C8orf34: variants seen among roughly 807,000 people sequenced by gnomAD.
C8orf34 encodes chromosome 8 open reading frame 34.
A neutral mutation model predicts 68.3 loss-of-function variants in C8orf34; 65 were observed. The ratio of observed to expected loss-of-function variants is 0.95; its 90% confidence interval spans 0.78 to 1.17. The LOEUF (loss-of-function observed/expected upper bound fraction) is 1.17, where lower values mean the gene tolerates loss of function less well. Among genes scored for constraint, C8orf34 ranks in the 50% most tolerant of loss-of-function variants. The probability of loss-of-function intolerance (pLI) is 0.00; values close to 1 mark genes in which losing one functional copy is unlikely to be tolerated. For missense variants in C8orf34, 664 were observed against 655.4 expected (o/e 1.01, Z -0.14); for synonymous variants, 244 against 241.2 (o/e 1.01, Z -0.11).
rs11454498 is a variant in C8orf34, at chr8:68,440,809, AT to A, written c.475+1176del. On this transcript the variant is annotated intron_variant, in intron 2 of 13. Coordinates refer to ENST00000518698, the MANE Select transcript of C8orf34 (RefSeq NM_052958.4). ...GAGAAAGGAACATATTAAACTCTGC[AT>A]TTTTTTTTTTTTGAGATGGAGTCTT... 6.6e-4 allele frequency among the ~76,000 whole-genome samples: 97 copies of A among 146,570 alleles called. No individual in the cohort carries two copies. The East Asian group carries it at 0.012, about 18-fold the overall frequency.
chr8:68,783,523 CAAAAAAAAAAA>C (rs775189886), intron 11 of C8orf34, among the ~76,000 whole-genome samples: 1 of 53,760 alleles, frequency 1.9e-5, no homozygotes, highest in Admixed American at 1.9e-4. Context: ...GACTTCATCT[CAAAAAAAAAAA>C]AAAAAAAAAA....
At chr8:68,748,457 A>G (rs1822582484) in intron 10 of C8orf34, among the ~76,000 whole-genome samples, 2 of 150,076 alleles carry the variant, frequency 1.3e-5, no homozygotes, top group Non-Finnish European at 1.5e-5. Flanking sequence ...GCAACCTACA[A>G]AATGGGAGAA....
chr8:68,418,731 A>C (rs1289104587), intron 1 of C8orf34, among the ~76,000 whole-genome samples: 3 of 152,138 alleles, frequency 2.0e-5, no homozygotes, highest in Non-Finnish European at 4.4e-5. Context: ...GCAATGGGGA[A>C]AGGATTCCCT....
At chr8:68,334,452 G>A (rs1348573828) in intron 1 of C8orf34, among the ~76,000 whole-genome samples, 1 of 151,050 alleles carries the variant, frequency 6.6e-6, no homozygotes, top group East Asian at 1.9e-4. Context: ...ATTATATATA[G>A]TGGAATATAT....
At chr8:68,331,791 T>TTC in intron 1 of C8orf34, among the ~76,000 whole-genome samples, 2 of 72,640 alleles carry the variant, frequency 2.8e-5, no homozygotes, top group Admixed American at 1.3e-4. Context: ...TTCTTTTTTT[T>TTC]TTTTTTTTTT....
chr8:68,680,739 G>T (rs1820343858), intron 8 of C8orf34, among the ~76,000 whole-genome samples: 1 of 152,172 alleles, frequency 6.6e-6, no homozygotes, highest in Admixed American at 6.5e-5. Context: ...GTTCAGCAGT[G>T]CACCTATTGT....
intron 6 of C8orf34, chr8:68,530,540 C>A: frequency 1.2e-6 from 1 of 855,422 alleles, no homozygotes; most frequent in South Asian, 1.9e-5. Context: ...GTTTACTTCT[C>A]AATGAATAAA....
intron 7 of C8orf34, among the ~76,000 whole-genome samples, chr8:68,579,851 G>GTCACTT (rs1163577075): frequency 1.3e-5 from 2 of 152,102 alleles, no homozygotes; most frequent in East Asian, 1.9e-4. Flanking sequence ...AAATGAGAAT[G>GTCACTT]TCACTTTTCT....
At chr8:68,703,250 T>C (rs1241927368) in intron 8 of C8orf34, among the ~76,000 whole-genome samples, 3 of 152,174 alleles carry the variant, frequency 2.0e-5, no homozygotes, top group African/African-American at 4.8e-5. Flanking sequence ...CTGTTAAGAC[T>C]AAGTCAATAG....
At chr8:68,809,346 C>T (rs1824578690) in intron 12 of C8orf34, among the ~76,000 whole-genome samples, 1 of 152,104 alleles carries the variant, frequency 6.6e-6, no homozygotes, top group Admixed American at 6.6e-5. Flanking sequence ...CAATTTATGC[C>T]TCTGATACAA....
At chr8:68,333,080 T>C (rs979067789) in intron 1 of C8orf34, among the ~76,000 whole-genome samples, 1 of 152,210 alleles carries the variant, frequency 6.6e-6, no homozygotes, top group Non-Finnish European at 1.5e-5. Context: ...GAATTGTTTT[T>C]AATAAATACT....
chr8:68,610,956 C>G (rs1455103986), intron 7 of C8orf34, among the ~76,000 whole-genome samples: 2 of 150,832 alleles, frequency 1.3e-5, no homozygotes, highest in Middle Eastern at 3.4e-3. Context: ...CCTCCGCCTA[C>G]CAGGGTCAAG....
At chr8:68,342,109 G>A (rs997341881) in intron 1 of C8orf34, among the ~76,000 whole-genome samples, 1 of 152,070 alleles carries the variant, frequency 6.6e-6, no homozygotes, top group African/African-American at 2.4e-5. Flanking sequence ...AGTATGTGAG[G>A]TAACAGATAT....
At chr8:68,705,994 A>G (rs1029864432) in intron 8 of C8orf34, among the ~76,000 whole-genome samples, 2 of 152,218 alleles carry the variant, frequency 1.3e-5, no homozygotes, top group Non-Finnish European at 2.9e-5. Context: ...TGTGAGGGCA[A>G]GATGAGGTCT....
At chr8:68,695,103 A>G (rs928839441) in intron 8 of C8orf34, among the ~76,000 whole-genome samples, 18 of 151,972 alleles carry the variant, frequency 1.2e-4, no homozygotes, top group African/African-American at 4.3e-4. Context: ...GCTCACAGGC[A>G]GGTAATGCTA....
chr8:68,539,223 G>T (rs1586344803), intron 7 of C8orf34, among the ~76,000 whole-genome samples: 1 of 152,124 alleles, frequency 6.6e-6, no homozygotes, highest in African/African-American at 2.4e-5. Flanking sequence ...AAATGGTGAT[G>T]CTATATTTCA....
chr8:68,512,952 A>G (rs1814344299), intron 5 of C8orf34, among the ~76,000 whole-genome samples: 2 of 152,184 alleles, frequency 1.3e-5, no homozygotes, highest in African/African-American at 4.8e-5. Flanking sequence ...AGTGCAGCCA[A>G]GGTTTGACTC....
At chr8:68,367,929 A>AAG (rs1283462600) in intron 1 of C8orf34, among the ~76,000 whole-genome samples, 4 of 148,774 alleles carry the variant, frequency 2.7e-5, no homozygotes, top group Non-Finnish European at 6.0e-5. Context: ...AAAAAAAAAA[A>AAG]AAAAAAAAGA....
intron 1 of C8orf34, among the ~76,000 whole-genome samples, chr8:68,341,674 A>T (rs1287266417): frequency 6.6e-6 from 1 of 151,274 alleles, no homozygotes; most frequent in Non-Finnish European, 1.5e-5. Flanking sequence ...TGTGGCACCT[A>T]CTCCTGTGCC....
Sources: gnomAD v4.1 joint callset for allele counts (sites outside exome capture counted in the v4.1 genomes callset) on GRCh38, gnomAD v4.1.1 for gene constraint, MANE v1.5 for transcripts, NCBI Gene and HGNC (gene_info 2026-07-23, HGNC 2026-07-21) for gene names.